Variants in WBP2NL observed in about 807,000 individuals in gnomAD.
The protein encoded by WBP2NL is WBP2 N-terminal like.
WBP2NL carries 27 observed loss-of-function variants against 23.3 expected under a neutral mutation model. The observed-to-expected ratio is 1.16, with a 90% CI of 0.85 to 1.60. WBP2NL has a LOEUF of 1.60. Ranked by LOEUF, WBP2NL falls within the 40% of genes most tolerant of loss-of-function variation. The pLI, the probability that WBP2NL is intolerant of heterozygous loss-of-function variation, is 0.00. For synonymous variants in WBP2NL, 151 were observed against 145.9 expected (o/e 1.03, Z -0.25); for missense variants, 370 against 389.5 (o/e 0.95, Z 0.42).
At chr22:42,035,195 A>G (rs1303934467), downstream of WBP2NL, among the ~76,000 whole-genome samples, 1 of 152,252 alleles carries the variant, frequency 6.6e-6, no homozygotes, top group Non-Finnish European at 1.5e-5. Flanking sequence ...TGTCCATAAA[A>G]TCTTCACAAT....
At chr22:42,041,242 G>A (rs946902352) in intron 8 of WBP2NL, among the ~76,000 whole-genome samples, 1 of 152,098 alleles carries the variant, frequency 6.6e-6, no homozygotes, top group Non-Finnish European at 1.5e-5. Context: ...ACTTTGGGAG[G>A]GGAGGCTGAG....
At chr22:42,020,885 TA>T (rs1923869344) in intron 4 of WBP2NL, among the ~76,000 whole-genome samples, 3 of 53,008 alleles carry the variant, frequency 5.7e-5, no homozygotes, top group Non-Finnish European at 1.1e-4. Flanking sequence ...TATATATATA[TA>T]TATATATATA....
At chr22:42,043,727 C>T (rs1925482380) in intron 8 of WBP2NL, among the ~76,000 whole-genome samples, 1 of 130,266 alleles carries the variant, frequency 7.7e-6, no homozygotes, top group Non-Finnish European at 1.7e-5. Context: ...ACTACTGGAG[C>T]TAGATTTTTT....
At chr22:42,022,152 G>A in intron 4 of WBP2NL, 97 bp from the exon 5 acceptor site, 1 of 977,136 alleles carries the variant, frequency 1.0e-6, no homozygotes, top group African/African-American at 1.6e-5. Context: ...ACACATGTAA[G>A]GTGGTGATTA....
chr22:42,040,816 TTGTGACTTAAGA>T (rs1166306088), intron 8 of WBP2NL, among the ~76,000 whole-genome samples: 1 of 152,222 alleles, frequency 6.6e-6, no homozygotes, highest in Non-Finnish European at 1.5e-5. Flanking sequence ...AAAACTTGTT[TTGTGACTTAAGA>T]TGTGACCTAT....
At chr22:42,005,086 G>A (rs1395387923) in intron 1 of WBP2NL, among the ~76,000 whole-genome samples, 1 of 151,710 alleles carries the variant, frequency 6.6e-6, no homozygotes, top group African/African-American at 2.4e-5. Context: ...GCGTGGTGGT[G>A]CGTGCCTGTA....
At chr22:42,038,880 A>G (rs553150345) in intron 8 of WBP2NL, among the ~76,000 whole-genome samples, 18 of 151,994 alleles carry the variant, frequency 1.2e-4, no homozygotes, top group African/African-American at 4.3e-4. Context: ...CTGGGATTAC[A>G]GGCGTGAGCC....
At chr22:42,009,470 T>G (rs1343023896) in intron 1 of WBP2NL, among the ~76,000 whole-genome samples, 1 of 152,202 alleles carries the variant, frequency 6.6e-6, no homozygotes, top group African/African-American at 2.4e-5. Flanking sequence ...CTTTAATCCA[T>G]TTTGAGTTAA....
intron 1 of WBP2NL, among the ~76,000 whole-genome samples, chr22:42,006,939 C>T (rs1459896367): frequency 1.3e-5 from 2 of 152,112 alleles, no homozygotes; most frequent in African/African-American, 2.4e-5. Flanking sequence ...ATTGTTAAAA[C>T]GTGTGCTGGA....
intron 8 of WBP2NL, among the ~76,000 whole-genome samples, chr22:42,046,454 TA>T (rs1043946260): frequency 7.9e-5 from 12 of 152,216 alleles, no homozygotes; most frequent in African/African-American, 2.9e-4. Flanking sequence ...GAATGATGAA[TA>T]AAAAAATTTT....
At chr22:42,019,862 A>G in intron 3 of WBP2NL, 59 bp downstream of exon 3, 1 of 1,606,950 alleles carries the variant, frequency 6.2e-7, no homozygotes, top group Non-Finnish European at 8.5e-7. Flanking sequence ...TAAAAGGTTT[A>G]AGATTCAAAC....
intron 1 of WBP2NL, among the ~76,000 whole-genome samples, chr22:42,014,696 A>G (rs758265123): frequency 6.6e-6 from 1 of 151,966 alleles, no homozygotes; most frequent in African/African-American, 2.4e-5. Context: ...CCATTGACCT[A>G]CTTCAAGTTC....
intron 8 of WBP2NL, among the ~76,000 whole-genome samples, chr22:42,048,677 A>G (rs1925693416): frequency 6.6e-6 from 1 of 150,850 alleles, no homozygotes; most frequent in African/African-American, 2.4e-5. Context: ...AATGGTGTGA[A>G]CCCAGGAGGC....
At chr22:42,006,221 CT>C (rs58669161) in intron 1 of WBP2NL, among the ~76,000 whole-genome samples, 40,582 of 139,302 alleles carry the variant, frequency 0.29, 5,824 homozygotes, top group Admixed American at 0.36. Context: ...GTTTCCCAAT[CT>C]TTTTTTTTTT....
Position 42,028,194 on chromosome 22 carries a change from G to A in WBP2NL, c.*1013G>A, listed in dbSNP as rs996357074. 2.3e-5 allele frequency: 9 copies of A among 397,470 alleles called. No homozygotes were observed. Among genetic ancestry groups the A allele is most frequent in the African/African-American group, 4.1e-5 (2 of 48,580 alleles). The allele number at this position is 397,470 out of a possible 1,614,324, so 24.6% of individuals were successfully genotyped here. On this transcript the variant is annotated 3_prime_UTR_variant, in exon 6 of 6. Coordinates refer to ENST00000328823, the MANE Select transcript of WBP2NL (RefSeq NM_152613.3). Reference sequence around the variant, plus strand: ...ATAGGCTATGGTATGCCCATACTACGTATGCAGAAATTTCTAAGACTTGTT... The same window carrying A: ...ATAGGCTATGGTATGCCCATACTACATATGCAGAAATTTCTAAGACTTGTT...
At position 42,049,231 on chromosome 22, in the gene WBP2NL, C is replaced by A. The variant is rs533876326; in HGVS notation, c.*274-9059C>A. On this transcript the variant is annotated intron_variant and NMD_transcript_variant, in intron 8 of 8. Transcript: ENST00000436265. ...TAGCCAACATGTTTTACAAAGGGAC[C>A]CAGGTAATTCAATGGAGAAAGGATA... Among the ~76,000 whole-genome samples, 3 of 151,956 alleles carry A rather than the reference C, an allele frequency of 2.0e-5. No homozygotes were observed. The South Asian group carries it at 6.3e-4, about 32-fold the overall frequency.
At chr22:42,036,300 G>C (rs551335573), downstream of WBP2NL, among the ~76,000 whole-genome samples, 4 of 152,056 alleles carry the variant, frequency 2.6e-5, no homozygotes, top group South Asian at 6.2e-4. Flanking sequence ...TCAGCCTCCC[G>C]AGCAGCTGGG....
At chr22:42,023,533 T>C (rs1289356930) in intron 5 of WBP2NL, among the ~76,000 whole-genome samples, 1 of 151,194 alleles carries the variant, frequency 6.6e-6, no homozygotes, top group Non-Finnish European at 1.5e-5. Flanking sequence ...GAGGGAGTCT[T>C]GCTCTGTCGC....
In WBP2NL at chr22:42,020,070, A is replaced by G. The variant is rs773813359; in HGVS notation, c.380A>G (p.Gln127Arg). ...AATGGAGATGCCATTGAATTTGCCC[A>G]GTTGATGGTGAAAGCTGCCTCTGCT... ...FRNGDAIEFA[Q>R]LMVKAASAAA... is the part of the protein sequence containing the mutation. Residue 127 changes from glutamine (Q) to arginine (R), a missense_variant, in exon 4 of 6, where the codon CAG becomes CGG. By Grantham distance (43) the Gln-to-Arg change is conservative (BLOSUM62 1). Coordinates refer to ENST00000328823, the MANE Select transcript of WBP2NL (RefSeq NM_152613.3). 9 of 1,614,112 alleles carry G rather than the reference A, an allele frequency of 5.6e-6. No homozygotes were observed. In the East Asian group the frequency reaches 2.0e-4, roughly 36 times the overall value.
Sources: allele counts gnomAD v4.1 joint callset (sites outside exome capture counted in the v4.1 genomes callset), GRCh38; gene constraint gnomAD v4.1.1; transcripts MANE v1.5; gene names NCBI Gene and HGNC (gene_info 2026-07-23, HGNC 2026-07-21).